The following STX8 variants were observed in gnomAD, a reference collection of about 807,000 sequenced individuals.
STX8 encodes the protein syntaxin-8.
A neutral mutation model predicts 37.5 loss-of-function variants in STX8; 23 were observed. That is an observed-to-expected ratio of 0.61 (90% CI 0.44 to 0.87). The LOEUF is 0.87. STX8 is among the 40% of genes least tolerant of loss of function. The pLI, the probability that STX8 is intolerant of heterozygous loss-of-function variation, is 0.00. For missense variants in STX8, 313 were observed against 284.7 expected (o/e 1.10, Z -0.71); for synonymous variants, 115 against 99.1 (o/e 1.16, Z -0.95).
intron 6 of STX8, among the ~76,000 whole-genome samples, chr17:9,408,120 C>T (rs1272772265): frequency 2.0e-5 from 3 of 152,048 alleles, no homozygotes; most frequent in Admixed American, 2.0e-4. Flanking sequence ...AAAATAAAAC[C>T]CGTCTGATGA....
At chr17:9,512,863 T>C (rs1372827232) in intron 4 of STX8, among the ~76,000 whole-genome samples, 1 of 152,094 alleles carries the variant, frequency 6.6e-6, no homozygotes, top group African/African-American at 2.4e-5. Context: ...TCTATCACCC[T>C]AAGGAAAAAA....
At chr17:9,448,449 T>C (rs929802955) in intron 6 of STX8, among the ~76,000 whole-genome samples, 1 of 152,182 alleles carries the variant, frequency 6.6e-6, no homozygotes, top group Admixed American at 6.5e-5. Context: ...ACATTTCTGT[T>C]GTTGCTTGTT....
chr17:9,475,165 A>G (rs8078830), intron 6 of STX8, among the ~76,000 whole-genome samples: 2,231 of 152,296 alleles, frequency 0.015, 55 homozygotes, highest in African/African-American at 0.049. Flanking sequence ...AATGGCAGTC[A>G]AGCTATTTTT....
chr17:9,566,820 T>C (rs1271005018), intron 2 of STX8, among the ~76,000 whole-genome samples: 2 of 152,052 alleles, frequency 1.3e-5, no homozygotes, highest in Non-Finnish European at 2.9e-5. Context: ...GACACATGCA[T>C]GTGTATGTTC....
At chr17:9,421,101 A>T (rs1913408122) in intron 6 of STX8, among the ~76,000 whole-genome samples, 1 of 152,060 alleles carries the variant, frequency 6.6e-6, no homozygotes, top group African/African-American at 2.4e-5. Flanking sequence ...ATTACTATAG[A>T]ATTTTTTTTG....
intron 5 of STX8, among the ~76,000 whole-genome samples, chr17:9,503,866 G>A (rs1023803033): frequency 5.3e-5 from 8 of 152,130 alleles, no homozygotes; most frequent in African/African-American, 1.7e-4. Context: ...CTGGGTTCAA[G>A]CGATTCTCCT....
rs56156370 is a variant in STX8, at chr17:9,285,413, T to TAAAA, written c.644-34772_644-34769dup. ...CCAGTGTAGAGGTCCAAAGTAGTGA[T>TAAAA]AAAAAAAAAAAAAAAAAAGGAGAAA... On this transcript the variant is annotated intron_variant, in intron 7 of 7. Transcript: ENST00000306357. 1.6e-3 allele frequency among the ~76,000 whole-genome samples: 172 copies of TAAAA among 108,436 alleles called. 1 individual carries two copies. Among genetic ancestry groups the TAAAA allele is most frequent in the African/African-American group, 6.2e-3 (164 of 26,656 alleles). The allele number at this position is 108,436 out of a possible 152,430, so 71.1% of individuals were successfully genotyped here. A position where few individuals can be genotyped will look rare whatever the true frequency, so the allele number is the denominator to read the frequency against.
At chr17:9,319,302 C>G (rs1909488655) in intron 7 of STX8, among the ~76,000 whole-genome samples, 1 of 152,000 alleles carries the variant, frequency 6.6e-6, no homozygotes, top group Non-Finnish European at 1.5e-5. Flanking sequence ...GCCTGTAGTC[C>G]CAGCTACTCA....
At chr17:9,524,024 A>G (rs977926376) in intron 4 of STX8, among the ~76,000 whole-genome samples, 4 of 152,224 alleles carry the variant, frequency 2.6e-5, no homozygotes, top group African/African-American at 9.7e-5. Flanking sequence ...AAAGACAACA[A>G]ATTTTGAGAT....
chr17:9,543,299 G>GAT (rs111248274), intron 4 of STX8, among the ~76,000 whole-genome samples: 1 of 91,862 alleles, frequency 1.1e-5, no homozygotes, highest in Non-Finnish European at 2.4e-5. Context: ...ACAGTTTTTT[G>GAT]GTTTTTTTTT....
intron 7 of STX8, among the ~76,000 whole-genome samples, chr17:9,362,455 T>C (rs902141047): frequency 2.0e-5 from 3 of 152,180 alleles, no homozygotes; most frequent in African/African-American, 7.2e-5. Flanking sequence ...TCTCTGTAAT[T>C]CTATTCCTTT....
chr17:9,559,756 A>ATTT (rs1214621506), intron 2 of STX8, among the ~76,000 whole-genome samples: 1,383 of 30,872 alleles, frequency 0.045, 50 homozygotes, highest in Non-Finnish European at 0.057. Flanking sequence ...ATATATATAT[A>ATTT]TATATTTTTT....
intron 4 of STX8, among the ~76,000 whole-genome samples, chr17:9,523,830 T>C (rs989644056): frequency 1.3e-5 from 2 of 152,198 alleles, no homozygotes; most frequent in Non-Finnish European, 2.9e-5. Flanking sequence ...ATAATATTAA[T>C]AGAAATGTGT....
chr17:9,264,644 G>A (rs1907166835), intron 7 of STX8, among the ~76,000 whole-genome samples: 1 of 152,104 alleles, frequency 6.6e-6, no homozygotes, highest in African/African-American at 2.4e-5. Context: ...AGAATGGGTA[G>A]GTTCTGCCAA....
intron 4 of STX8, among the ~76,000 whole-genome samples, chr17:9,524,576 G>T (rs1905485107): frequency 6.6e-6 from 1 of 152,030 alleles, no homozygotes; most frequent in African/African-American, 2.4e-5. Flanking sequence ...ATCTTGGGAG[G>T]ACACTACTAT....
intron 7 of STX8, among the ~76,000 whole-genome samples, chr17:9,305,335 C>G (rs569225598): frequency 6.6e-6 from 1 of 152,094 alleles, no homozygotes; most frequent in Non-Finnish European, 1.5e-5. Flanking sequence ...TCGTGGTCCA[C>G]CTGCCTCAGC....
intron 6 of STX8, among the ~76,000 whole-genome samples, chr17:9,431,779 GT>G (rs1177144831): frequency 1.3e-5 from 2 of 152,206 alleles, no homozygotes; most frequent in Non-Finnish European, 2.9e-5. Context: ...ACATCATGGT[GT>G]TAAGACCACG....
At chr17:9,573,402 C>T (rs1176405749) in intron 1 of STX8, among the ~76,000 whole-genome samples, 2 of 152,172 alleles carry the variant, frequency 1.3e-5, no homozygotes, top group South Asian at 4.1e-4. Flanking sequence ...AATAACTCAA[C>T]CAATTGCCAA....
Position 9,426,018 on chromosome 17 carries a change from G to C in STX8, c.542-47365C>G, listed in dbSNP as rs72816196. 2.8e-3 allele frequency among the ~76,000 whole-genome samples: 429 copies of C among 152,044 alleles called. 2 individuals are homozygous for C. Among genetic ancestry groups the C allele is most frequent in the Non-Finnish European group, 5.0e-3 (341 of 68,010 alleles). On this transcript the variant is annotated intron_variant, in intron 6 of 7. Transcript: ENST00000306357. ...GTCTCTCTCTTCTCAAGTAGGATCA[G>C]CCAACCACTAAAAAGCACCCTGTTA...
Sources: gnomAD v4.1 joint callset for allele counts (sites outside exome capture counted in the v4.1 genomes callset) on GRCh38, gnomAD v4.1.1 for gene constraint, MANE v1.5 for transcripts, NCBI Gene and HGNC (gene_info 2026-07-23, HGNC 2026-07-21) for gene names.